Variants in MBOAT2 observed in about 807,000 individuals in gnomAD.
MBOAT2 encodes membrane-bound glycerophospholipid O-acyltransferase 2.
In MBOAT2, 28 loss-of-function variants were observed where a neutral mutation model predicts 63.4. That is an observed-to-expected ratio of 0.44 (90% CI 0.33 to 0.61). The LOEUF (loss-of-function observed/expected upper bound fraction) is 0.61. MBOAT2 is among the 20% of genes least tolerant of loss of function. The probability of loss-of-function intolerance (pLI) is 0.03; values close to 1 mark genes in which losing one functional copy is unlikely to be tolerated. For synonymous variants in MBOAT2, 211 were observed against 215.6 expected (o/e 0.98, Z 0.19); for missense variants, 470 against 605.8 (o/e 0.78, Z 2.35).
chr2:8,867,715 T>A (rs1483511009), intron 9 of MBOAT2, among the ~76,000 whole-genome samples: 2 of 152,140 alleles, frequency 1.3e-5, no homozygotes, highest in Admixed American at 6.6e-5. Flanking sequence ...CTCTCCAATA[T>A]ATTTATATGT....
chr2:8,866,709 G>A (rs530082780), intron 9 of MBOAT2, among the ~76,000 whole-genome samples: 23 of 152,320 alleles, frequency 1.5e-4, no homozygotes, highest in Non-Finnish European at 2.4e-4. Flanking sequence ...TTCATACAGT[G>A]CATTTGGCCA....
At chr2:8,996,051 AATGT>A (rs1161063794) in intron 1 of MBOAT2, among the ~76,000 whole-genome samples, 1 of 152,214 alleles carries the variant, frequency 6.6e-6, no homozygotes, top group Admixed American at 6.5e-5. Context: ...AGAGCCTGGG[AATGT>A]ACACTTTTAA....
Position 8,958,479 on chromosome 2 carries a change from A to T in MBOAT2, c.221+18T>A. ...TCCAAATAGTCTTCATTTTAAAAGGATCAAAATAATTACTTACCATCCAAA... is the reference window on the plus strand; with the variant it reads ...TCCAAATAGTCTTCATTTTAAAAGGTTCAAAATAATTACTTACCATCCAAA... On this transcript the variant is annotated intron_variant, in intron 2 of 12. Coordinates refer to ENST00000305997, the MANE Select transcript of MBOAT2 (RefSeq NM_138799.4). The T allele has an allele frequency of 9.5e-6, 15 of 1,570,966 alleles. No individual in the cohort carries two copies. The highest frequency in any genetic ancestry group is 1.3e-5 in the Non-Finnish European group (15 of 1,162,640).
chr2:8,874,436 G>A (rs1249547871), intron 7 of MBOAT2, among the ~76,000 whole-genome samples: 1 of 152,142 alleles, frequency 6.6e-6, no homozygotes, highest in Admixed American at 6.5e-5. Flanking sequence ...AATTATAAAT[G>A]AAGCAAGGTG....
intron 1 of MBOAT2, among the ~76,000 whole-genome samples, chr2:8,968,746 A>C (rs948318909): frequency 1.3e-5 from 2 of 152,248 alleles, no homozygotes; most frequent in African/African-American, 4.8e-5. Flanking sequence ...AAGCTTCAGT[A>C]GCCAATTCGA....
chr2:8,893,568 A>C (rs1370877878), intron 4 of MBOAT2, among the ~76,000 whole-genome samples: 4 of 152,250 alleles, frequency 2.6e-5, no homozygotes, highest in African/African-American at 9.6e-5. Flanking sequence ...ACACCTTTGC[A>C]TAGTAACTGC....
intron 12 of MBOAT2, among the ~76,000 whole-genome samples, chr2:8,859,455 C>T (rs1272056104): frequency 1.3e-5 from 2 of 152,200 alleles, no homozygotes; most frequent in East Asian, 3.9e-4. Context: ...TTATATAAAC[C>T]AAATGTAACC....
chr2:8,899,408 G>A (rs953997143), intron 4 of MBOAT2, among the ~76,000 whole-genome samples: 2 of 151,608 alleles, frequency 1.3e-5, no homozygotes, highest in African/African-American at 4.9e-5. Context: ...CTTGAGGACA[G>A]TCATCCAGGA....
At chr2:8,896,708 C>G (rs943241211) in intron 4 of MBOAT2, among the ~76,000 whole-genome samples, 1 of 152,164 alleles carries the variant, frequency 6.6e-6, no homozygotes. Context: ...TGGCTGAGTG[C>G]AAACAGCTCA....
In MBOAT2 at chr2:8,855,735, G is replaced by C. The variant is rs1276351649; in HGVS notation, c.*2944C>G. On this transcript the variant is annotated 3_prime_UTR_variant, in exon 13 of 13. Coordinates refer to ENST00000305997, the MANE Select transcript of MBOAT2 (RefSeq NM_138799.4). ...AGGCATACCAAATTATACTCTTACTGTTTCAAGAAAATGAAATTGAAGGAT... is the reference window on the plus strand; with the variant it reads ...AGGCATACCAAATTATACTCTTACTCTTTCAAGAAAATGAAATTGAAGGAT... 1 of 152,132 alleles carries C rather than the reference G, an allele frequency of 6.6e-6. No individual in the cohort carries two copies. Among genetic ancestry groups the C allele is most frequent in the Non-Finnish European group, 1.5e-5 (1 of 68,014 alleles). The allele number at this position is 152,132 out of a possible 1,614,324, so 9.4% of individuals were successfully genotyped here. A position where few individuals can be genotyped will look rare whatever the true frequency, so the allele number is the denominator to read the frequency against.
Position 8,855,245 on chromosome 2 carries a change from C to G in MBOAT2, c.*3434G>C, listed in dbSNP as rs538673841. 1 of 152,204 alleles carries G rather than the reference C, an allele frequency of 6.6e-6. No individual in the cohort carries two copies. The highest frequency in any genetic ancestry group is 1.5e-5 in the Non-Finnish European group (1 of 68,056). 9.4% of individuals were successfully genotyped at this position (152,204 alleles called of 1,614,324 possible). A position where few individuals can be genotyped will look rare whatever the true frequency, so the allele number is the denominator to read the frequency against. On this transcript the variant is annotated 3_prime_UTR_variant, in exon 13 of 13. Coordinates refer to ENST00000305997, the MANE Select transcript of MBOAT2 (RefSeq NM_138799.4). ...ATCCTACAGACCTTGCTAATGGCTC[C>G]GTTCACGACACCCAACTGGTCCTGA...
rs138038764 is a variant in MBOAT2 at position 8,944,593 on chromosome 2, T to C, written c.222-1329A>G. Reference sequence around the variant, plus strand: ...AGTAATAGTCTCCAAGGCAGGCCTGTAGGAGAAACTTATTTGACCCACTGT... The same window carrying C: ...AGTAATAGTCTCCAAGGCAGGCCTGCAGGAGAAACTTATTTGACCCACTGT... On this transcript the variant is annotated intron_variant, in intron 2 of 12. Transcript: ENST00000305997. Among the ~76,000 whole-genome samples, 1,278 of 151,928 alleles carry C rather than the reference T, an allele frequency of 8.4e-3. 12 individuals are homozygous for C. The highest frequency in any genetic ancestry group is 0.014 in the Non-Finnish European group (922 of 67,954).
At chr2:8,933,364 G>A (rs562165151) in intron 3 of MBOAT2, among the ~76,000 whole-genome samples, 12 of 152,198 alleles carry the variant, frequency 7.9e-5, no homozygotes, top group African/African-American at 2.9e-4. Context: ...GGAAGAGAGG[G>A]CAGAAACAGG....
chr2:8,887,546 C>CA (rs751415666), intron 5 of MBOAT2, among the ~76,000 whole-genome samples: 4 of 152,170 alleles, frequency 2.6e-5, no homozygotes, highest in African/African-American at 7.2e-5. Flanking sequence ...TCTCACGACT[C>CA]AGAGTCCTGT....
intron 4 of MBOAT2, among the ~76,000 whole-genome samples, chr2:8,894,976 G>T (rs1034970427): frequency 6.6e-6 from 1 of 151,736 alleles, no homozygotes; most frequent in Non-Finnish European, 1.5e-5. Flanking sequence ...GTCCGGAGTT[G>T]TTCATTCCTC....
chr2:8,860,581 C>T, intron 12 of MBOAT2, 32 bp downstream of exon 12: 1 of 1,599,820 alleles, frequency 6.3e-7, no homozygotes, highest in South Asian at 1.1e-5. Context: ...TAGAGTTATT[C>T]CCACTGACAA....
intron 1 of MBOAT2, among the ~76,000 whole-genome samples, chr2:8,967,019 G>A (rs906553325): frequency 6.6e-6 from 1 of 152,146 alleles, no homozygotes; most frequent in African/African-American, 2.4e-5. Flanking sequence ...CGAAGATGAA[G>A]AAACTATAAT....
intron 8 of MBOAT2, among the ~76,000 whole-genome samples, chr2:8,869,208 A>AT (rs750568440): frequency 0.031 from 3,883 of 124,940 alleles, 92 homozygotes; most frequent in East Asian, 0.045. Context: ...CATCATGCCT[A>AT]TTTTTTTTTT....
At chr2:8,896,123 C>T (rs539640576) in intron 4 of MBOAT2, among the ~76,000 whole-genome samples, 3 of 151,690 alleles carry the variant, frequency 2.0e-5, no homozygotes, top group African/African-American at 7.3e-5. Context: ...CCTGTAGTCC[C>T]AGCTACTCAG....
Sources: allele counts gnomAD v4.1 joint callset (sites outside exome capture counted in the v4.1 genomes callset), GRCh38; gene constraint gnomAD v4.1.1; transcripts MANE v1.5; gene names NCBI Gene and HGNC (gene_info 2026-07-23, HGNC 2026-07-21).